Variants in PHF24 observed in about 807,000 individuals in gnomAD.
The protein encoded by PHF24 is Galpha inhibitory interacting protein.
PHF24 carries 25 observed loss-of-function variants against 42.6 expected under a neutral mutation model. The observed-to-expected ratio is 0.59, with a 90% CI of 0.43 to 0.82. PHF24 has a LOEUF of 0.82. PHF24 is among the 40% of genes least tolerant of loss of function. The pLI is 0.00. For synonymous variants in PHF24, 185 were observed against 204.8 expected (o/e 0.90, Z 0.83); for missense variants, 470 against 538.1 (o/e 0.87, Z 1.25).
At chr9:34,805,799 G>A in the PHF24 span, among the ~76,000 whole-genome samples, 1 of 152,096 alleles carries the variant, frequency 6.6e-6, no homozygotes, top group Non-Finnish European at 1.5e-5. Context: ...CCAACATTAT[G>A]AATGCTTTCC....
chr9:34,846,347 C>T, the PHF24 span, among the ~76,000 whole-genome samples: 1 of 151,646 alleles, frequency 6.6e-6, no homozygotes, highest in African/African-American at 2.4e-5. Flanking sequence ...CTCTGATGGC[C>T]AGTGATGGTG....
the PHF24 span, among the ~76,000 whole-genome samples, chr9:34,859,777 C>A: frequency 1.3e-5 from 2 of 152,292 alleles, no homozygotes; most frequent in East Asian, 3.9e-4. Flanking sequence ...GCCTTTGTTG[C>A]TACTTTACCC....
the PHF24 span, chr9:34,917,091 C>CCTCCT: frequency 1.6e-4 from 116 of 732,864 alleles, no homozygotes; most frequent in African/African-American, 1.1e-3. Flanking sequence ...AGCACAGAGG[C>CCTCCT]CTCCTCTCCT....
At chr9:34,967,782 C>T (rs1233225593) in intron 1 of PHF24, among the ~76,000 whole-genome samples, 1 of 152,210 alleles carries the variant, frequency 6.6e-6, no homozygotes, top group Admixed American at 6.5e-5. Flanking sequence ...ACATACTCTT[C>T]TCTCCATCCC....
the PHF24 span, chr9:34,723,248 G>A: frequency 1.3e-6 from 2 of 1,551,548 alleles, no homozygotes; most frequent in South Asian, 1.2e-5. Flanking sequence ...TGGGTGCCCT[G>A]GTTTGTTGGC....
chr9:34,857,924 T>TCTAA, the PHF24 span, among the ~76,000 whole-genome samples: 1 of 152,024 alleles, frequency 6.6e-6, no homozygotes, highest in Non-Finnish European at 1.5e-5. Flanking sequence ...CTGTTAAATT[T>TCTAA]CTAACTTTGG....
chr9:34,832,577 C>A, the PHF24 span: 1 of 1,544,042 alleles, frequency 6.5e-7, no homozygotes, highest in Non-Finnish European at 8.7e-7. Flanking sequence ...TGGTTTTGGC[C>A]ACCTTCACAG....
intron 1 of PHF24, among the ~76,000 whole-genome samples, chr9:34,964,098 A>G (rs1163068859): frequency 6.6e-6 from 1 of 152,146 alleles, no homozygotes; most frequent in African/African-American, 2.4e-5. Flanking sequence ...CTCCCTCCTG[A>G]TCTCAGTGAA....
the PHF24 span, among the ~76,000 whole-genome samples, chr9:34,742,461 A>G: frequency 6.6e-6 from 1 of 152,196 alleles, no homozygotes; most frequent in Non-Finnish European, 1.5e-5. Context: ...CTACTACAGT[A>G]CCATCGCTGC....
At chr9:34,731,151 G>A in the PHF24 span, among the ~76,000 whole-genome samples, 1 of 151,966 alleles carries the variant, frequency 6.6e-6, no homozygotes, top group Non-Finnish European at 1.5e-5. Flanking sequence ...TTTTGTATGG[G>A]TACATAGTAG....
At chr9:34,956,532 G>A (rs546258268), upstream of PHF24, among the ~76,000 whole-genome samples, 4 of 152,282 alleles carry the variant, frequency 2.6e-5, no homozygotes, top group South Asian at 2.1e-4. Context: ...AATTACAGGC[G>A]TGAGCCACCA....
the PHF24 span, among the ~76,000 whole-genome samples, chr9:34,931,187 T>C: frequency 6.6e-6 from 1 of 151,876 alleles, no homozygotes; most frequent in South Asian, 2.1e-4. Context: ...CCATCCTGGC[T>C]AACATGGTGA....
At chr9:34,820,164 T>A in the PHF24 span, among the ~76,000 whole-genome samples, 1 of 149,968 alleles carries the variant, frequency 6.7e-6, no homozygotes, top group Non-Finnish European at 1.5e-5. Context: ...ATGTATATAT[T>A]ATATATATCC....
At chr9:34,778,168 GT>G in the PHF24 span, among the ~76,000 whole-genome samples, 2 of 152,154 alleles carry the variant, frequency 1.3e-5, no homozygotes, top group African/African-American at 4.8e-5. Flanking sequence ...AGTGGATAAG[GT>G]GTGAAATGTC....
the PHF24 span, among the ~76,000 whole-genome samples, chr9:34,755,078 G>C: frequency 2.6e-5 from 4 of 152,070 alleles, no homozygotes; most frequent in Non-Finnish European, 4.4e-5. Flanking sequence ...TGGAGGGTTG[G>C]GGGGAAGTAG....
At chr9:34,699,668 A>G in the PHF24 span, among the ~76,000 whole-genome samples, 1 of 152,240 alleles carries the variant, frequency 6.6e-6, no homozygotes, top group Admixed American at 6.5e-5. Flanking sequence ...CCTGAGAATC[A>G]GCAGGAAAGG....
the PHF24 span, among the ~76,000 whole-genome samples, chr9:34,836,780 CAT>C: frequency 1.3e-5 from 2 of 152,192 alleles, no homozygotes; most frequent in South Asian, 4.1e-4. Flanking sequence ...GACTGGATAA[CAT>C]ATCTCAGAGC....
At chr9:34,835,601 G>C in the PHF24 span, 3 of 1,551,796 alleles carry the variant, frequency 1.9e-6, no homozygotes, top group Non-Finnish European at 2.6e-6. Flanking sequence ...ATCTCCTCCT[G>C]GTTCAGTGGA....
At chr9:34,832,556 AT>A in the PHF24 span, 2 of 1,537,250 alleles carry the variant, frequency 1.3e-6, no homozygotes, top group Non-Finnish European at 1.8e-6. Flanking sequence ...TCTTTGCAAC[AT>A]TTTCTTTTCT....
Sources: allele counts gnomAD v4.1 joint callset (sites outside exome capture counted in the v4.1 genomes callset), GRCh38; gene constraint gnomAD v4.1.1; transcripts MANE v1.5; gene names NCBI Gene and HGNC (gene_info 2026-07-23, HGNC 2026-07-21).